The following RBFOX1 variants were observed in gnomAD, a reference collection of about 807,000 sequenced individuals.
RBFOX1 encodes the protein RNA binding protein fox-1 homolog 1.
RBFOX1 carries 8 observed loss-of-function variants against 57.7 expected under a neutral mutation model. The ratio of observed to expected loss-of-function variants is 0.14; its 90% CI spans 0.08 to 0.25. RBFOX1 has a LOEUF of 0.25. RBFOX1 is among the 10% of genes least tolerant of loss of function. The pLI, the probability that RBFOX1 is intolerant of heterozygous loss-of-function variation, is 1.00. For missense variants in RBFOX1, 611 were observed against 548.5 expected, an observed-to-expected ratio of 1.11 and a Z score of -1.14; for synonymous variants, 326 against 222.4, an observed-to-expected ratio of 1.47 and a Z score of -4.15.
intron 1 of RBFOX1, among the ~76,000 whole-genome samples, chr16:5,432,675 G>T (rs2067789329): frequency 6.6e-6 from 1 of 151,720 alleles, no homozygotes; most frequent in Non-Finnish European, 1.5e-5. Flanking sequence ...GGTCAAAGAG[G>T]GCTGACTGTG....
At chr16:6,995,867 C>A (rs968996391) in intron 3 of RBFOX1, among the ~76,000 whole-genome samples, 2 of 152,354 alleles carry the variant, frequency 1.3e-5, no homozygotes, top group South Asian at 4.1e-4. Context: ...AGACAAGTAT[C>A]TGATTCTCTG....
intron 4 of RBFOX1, among the ~76,000 whole-genome samples, chr16:7,124,393 G>T (rs965493168): frequency 5.3e-5 from 8 of 152,122 alleles, no homozygotes; most frequent in Non-Finnish European, 1.0e-4. Context: ...TAGCCCAGGT[G>T]ACAGAATGAA....
chr16:6,953,915 C>G (rs915735562), intron 3 of RBFOX1, among the ~76,000 whole-genome samples: 11 of 152,122 alleles, frequency 7.2e-5, no homozygotes, highest in African/African-American at 2.7e-4. Flanking sequence ...GTTGTTGTTG[C>G]TAATTGCATC....
At chr16:7,123,275 C>G (rs372686148) in intron 4 of RBFOX1, among the ~76,000 whole-genome samples, 3 of 152,156 alleles carry the variant, frequency 2.0e-5, no homozygotes, top group African/African-American at 7.2e-5. Flanking sequence ...TATCTCCAGC[C>G]CATAGCATCA....
chr16:6,804,523 A>T (rs894447967), intron 3 of RBFOX1, among the ~76,000 whole-genome samples: 1 of 152,154 alleles, frequency 6.6e-6, no homozygotes. Context: ...TTCATCCTAC[A>T]AATAAAGAAT....
chr16:5,468,507 G>C (rs2069024623), intron 2 of RBFOX1, among the ~76,000 whole-genome samples: 1 of 152,136 alleles, frequency 6.6e-6, no homozygotes, highest in Non-Finnish European at 1.5e-5. Context: ...TCCTCCAAAA[G>C]TTAAACATAG....
intron 4 of RBFOX1, among the ~76,000 whole-genome samples, chr16:5,936,040 T>TA (rs781727995): frequency 6.8e-4 from 103 of 152,204 alleles, no homozygotes; most frequent in Non-Finnish European, 1.5e-3. Flanking sequence ...ACCCATTTTT[T>TA]TTTTATGTCA....
intron 2 of RBFOX1, among the ~76,000 whole-genome samples, chr16:6,611,480 T>G (rs184319779): frequency 1.5e-4 from 23 of 152,240 alleles, no homozygotes; most frequent in African/African-American, 5.5e-4. Flanking sequence ...GCTTCCTGTT[T>G]CCCTCGGAGA....
intron 14 of RBFOX1, among the ~76,000 whole-genome samples, chr16:7,702,117 A>T (rs143528208): frequency 6.6e-6 from 1 of 152,188 alleles, no homozygotes; most frequent in Non-Finnish European, 1.5e-5. Context: ...ATTTTCTCAA[A>T]TGGATGCGCA....
At chr16:7,080,713 C>T (rs1165302417) in intron 4 of RBFOX1, among the ~76,000 whole-genome samples, 2 of 152,116 alleles carry the variant, frequency 1.3e-5, no homozygotes, top group African/African-American at 2.4e-5. Context: ...GGGTATGCTT[C>T]CCATCACAGA....
At chr16:6,668,686 G>A (rs1026903163) in intron 3 of RBFOX1, among the ~76,000 whole-genome samples, 1 of 152,096 alleles carries the variant, frequency 6.6e-6, no homozygotes, top group Non-Finnish European at 1.5e-5. Context: ...TTAAAAGTGT[G>A]ATTTGTCTAT....
intron 3 of RBFOX1, among the ~76,000 whole-genome samples, chr16:5,804,608 G>A (rs2151760902): frequency 6.6e-6 from 1 of 152,204 alleles, no homozygotes; most frequent in East Asian, 1.9e-4. Context: ...TGCCCTCTGT[G>A]TGCTGCATGA....
chr16:5,935,920 C>G (rs545788170), intron 4 of RBFOX1, among the ~76,000 whole-genome samples: 8 of 152,134 alleles, frequency 5.3e-5, no homozygotes, highest in Admixed American at 2.0e-4. Flanking sequence ...ACAAGCAAAA[C>G]TCTACCTCAA....
intron 5 of RBFOX1, among the ~76,000 whole-genome samples, chr16:7,544,110 T>TAAGA (rs1374830650): frequency 6.6e-6 from 1 of 152,214 alleles, no homozygotes; most frequent in African/African-American, 2.4e-5. Context: ...AGAGGGGGAA[T>TAAGA]AAGACCAGGA....
intron 1 of RBFOX1, among the ~76,000 whole-genome samples, chr16:6,230,510 C>T (rs972878483): frequency 6.6e-6 from 1 of 152,126 alleles, no homozygotes; most frequent in Non-Finnish European, 1.5e-5. Context: ...TCTGCTGCAT[C>T]AAACCGCCCC....
At chr16:6,510,806 G>C (rs959074331) in intron 2 of RBFOX1, among the ~76,000 whole-genome samples, 2 of 151,654 alleles carry the variant, frequency 1.3e-5, no homozygotes, top group Non-Finnish European at 2.9e-5. Context: ...GACTGCTAAA[G>C]GTTTTTGTCA....
At chr16:7,022,377 A>G (rs990725113) in intron 3 of RBFOX1, among the ~76,000 whole-genome samples, 3 of 151,852 alleles carry the variant, frequency 2.0e-5, no homozygotes, top group Admixed American at 6.6e-5. Context: ...ATTCTTAAAG[A>G]TGGTAGAGCT....
At chr16:7,502,426 T>A (rs991769051) in intron 4 of RBFOX1, among the ~76,000 whole-genome samples, 1 of 152,154 alleles carries the variant, frequency 6.6e-6, no homozygotes, top group South Asian at 2.1e-4. Flanking sequence ...TTATAAACAA[T>A]GTAGGGGTGG....
intron 3 of RBFOX1, among the ~76,000 whole-genome samples, chr16:6,828,442 T>G (rs141712747): frequency 1.3e-5 from 2 of 151,934 alleles, no homozygotes; most frequent in East Asian, 1.9e-4. Context: ...GAGAATCACT[T>G]GAACCCAGGA....
Sources: gnomAD v4.1 joint callset for allele counts (sites outside exome capture counted in the v4.1 genomes callset) on GRCh38, gnomAD v4.1.1 for gene constraint, MANE v1.5 for transcripts, NCBI Gene and HGNC (gene_info 2026-07-23, HGNC 2026-07-21) for gene names.